Variants in CDH3 observed in about 807,000 individuals in gnomAD.
The protein encoded by CDH3 is cadherin 3, also known as cadherin-3.
A neutral mutation model predicts 82.0 loss-of-function variants in CDH3; 54 were observed. The ratio of observed to expected loss-of-function variants is 0.66; its 90% CI spans 0.53 to 0.83. CDH3 has a LOEUF of 0.83. Among genes scored for constraint, CDH3 ranks in the 40% least tolerant of loss-of-function variants. CDH3 has a pLI of 0.00. For synonymous variants in CDH3, 446 were observed against 437.9 expected (o/e 1.02, Z -0.23); for missense variants, 1,054 against 1,084.6 (o/e 0.97, Z 0.40).
chr16:68,711,062 G>A (rs1962023611), intron 1 of CDH3, among the ~76,000 whole-genome samples: 2 of 150,976 alleles, frequency 1.3e-5, no homozygotes, highest in South Asian at 4.2e-4. Context: ...TGTAATCCCA[G>A]CACTTTGGGA....
intron 2 of CDH3, among the ~76,000 whole-genome samples, chr16:68,653,880 G>A (rs181034835): frequency 8.7e-4 from 131 of 150,832 alleles, no homozygotes; most frequent in Non-Finnish European, 1.4e-3. Context: ...TAATAGAGAC[G>A]GGCAATTTTT....
chr16:68,702,864 CAA>C, downstream of CDH3, among the ~76,000 whole-genome samples: 1 of 142,888 alleles, frequency 7.0e-6, no homozygotes, highest in East Asian at 2.0e-4. Context: ...GACTCCATCT[CAA>C]AAAAAAAAAG....
At chr16:68,688,730 A>G (rs559648372) in intron 12 of CDH3, among the ~76,000 whole-genome samples, 2 of 152,162 alleles carry the variant, frequency 1.3e-5, no homozygotes, top group South Asian at 4.1e-4. Context: ...GGGTTCAAGC[A>G]ATTATCCCTG....
At chr16:68,653,313 C>T (rs868662713) in intron 2 of CDH3, among the ~76,000 whole-genome samples, 4 of 151,558 alleles carry the variant, frequency 2.6e-5, no homozygotes, top group East Asian at 1.9e-4. Context: ...CTTGGCTCAC[C>T]GCAACCTCCA....
chr16:68,729,004 A>C (rs1015109812), downstream of CDH3, among the ~76,000 whole-genome samples: 2 of 152,196 alleles, frequency 1.3e-5, no homozygotes, highest in African/African-American at 2.4e-5. Flanking sequence ...AGATGCATTC[A>C]ACCAAAAACA....
downstream of CDH3, among the ~76,000 whole-genome samples, chr16:68,703,969 T>A (rs1393620160): frequency 6.7e-6 from 1 of 149,166 alleles, no homozygotes; most frequent in Non-Finnish European, 1.5e-5. Context: ...TCATAATTAA[T>A]AAATAATAAA....
intron 2 of CDH3, among the ~76,000 whole-genome samples, chr16:68,650,382 G>A (rs1410954731): frequency 1.3e-5 from 2 of 152,078 alleles, no homozygotes; most frequent in South Asian, 2.1e-4. Flanking sequence ...TCGGCTCACC[G>A]CAACCTCCAC....
chr16:68,669,557 T>C (rs1209680726), intron 2 of CDH3, among the ~76,000 whole-genome samples: 3 of 151,250 alleles, frequency 2.0e-5, no homozygotes, highest in Admixed American at 6.6e-5. Flanking sequence ...TTGTACACTC[T>C]AGTGGGAAGC....
At chr16:68,713,598 G>A (rs940539955) in intron 1 of CDH3, among the ~76,000 whole-genome samples, 1 of 152,110 alleles carries the variant, frequency 6.6e-6, no homozygotes, top group African/African-American at 2.4e-5. Flanking sequence ...CTATGCCAGA[G>A]TGACCTTTCC....
At chr16:68,681,232 A>AGTTTT in intron 8 of CDH3, 136 bp downstream of exon 8, 1 of 882,048 alleles carries the variant, frequency 1.1e-6, no homozygotes. Flanking sequence ...TAGGAAAACT[A>AGTTTT]CCTAACCTCT....
chr16:68,650,528 C>T (rs946427644), intron 2 of CDH3, among the ~76,000 whole-genome samples: 9 of 152,130 alleles, frequency 5.9e-5, no homozygotes, highest in Non-Finnish European at 1.0e-4. Flanking sequence ...GTCGAACTCC[C>T]GATCTCAGGT....
At chr16:68,709,354 G>C (rs1245588827) in intron 1 of CDH3, among the ~76,000 whole-genome samples, 1 of 152,062 alleles carries the variant, frequency 6.6e-6, no homozygotes, top group African/African-American at 2.4e-5. Flanking sequence ...TTACAGGCAC[G>C]AGCCCCTGCA....
rs1439989588 is a variant in CDH3, at chr16:68,712,039, T to TTTC, written c.100-10384_100-10383insCTT. 2.9e-3 allele frequency among the ~76,000 whole-genome samples: 164 copies of TTTC among 55,702 alleles called. 3 individuals carry two copies. Among genetic ancestry groups the TTTC allele is most frequent in the African/African-American group, 0.014 (139 of 10,002 alleles). 36.5% of individuals were successfully genotyped at this position (55,702 alleles called of 152,430 possible). ...TGTTTCTTGGGTTTTTTTGTTTTCTTTTTTTTTTTTTTTTTTGAGACAGAC... is the reference window on the plus strand; with the variant it reads ...TGTTTCTTGGGTTTTTTTGTTTTCTTTTCTTTTTTTTTTTTTTTTGAGACAGAC... On this transcript the variant is annotated intron_variant, in intron 1 of 2. Coordinates refer to the CDH3 transcript ENST00000569080.
At chr16:68,716,615 C>T (rs9929548) in intron 1 of CDH3, among the ~76,000 whole-genome samples, 31,098 of 88,814 alleles carry the variant, frequency 0.35, 4,013 homozygotes, top group Admixed American at 0.45. Flanking sequence ...AATGAGACTC[C>T]GGCTCAAAAA....
In CDH3 at chr16:68,663,890, T is replaced by C. The variant is rs377521458; in HGVS notation, c.161-12495T>C. On this transcript the variant is annotated intron_variant, in intron 2 of 15. Coordinates refer to ENST00000264012, the MANE Select transcript of CDH3 (RefSeq NM_001793.6). ...TGCAGGTTAGTTACATATGTATACA[T>C]GTGCCATGCTGGTGTGCTGCACCCA... 1.6e-4 allele frequency among the ~76,000 whole-genome samples: 25 copies of C among 152,210 alleles called. No individual in the cohort carries two copies. The East Asian group carries it at 2.5e-3, about 15-fold the overall frequency.
At chr16:68,658,825 C>T (rs1370503362) in intron 2 of CDH3, among the ~76,000 whole-genome samples, 1 of 152,206 alleles carries the variant, frequency 6.6e-6, no homozygotes, top group Non-Finnish European at 1.5e-5. Flanking sequence ...TTTATCCCTG[C>T]TTTTGGCCTC....
At chr16:68,705,038 G>C (rs1961943379), downstream of CDH3, among the ~76,000 whole-genome samples, 1 of 152,104 alleles carries the variant, frequency 6.6e-6, no homozygotes, top group Non-Finnish European at 1.5e-5. Flanking sequence ...CTCCAGCCTG[G>C]GTGACAGAAC....
intron 11 of CDH3, chr16:68,686,479 C>T: frequency 2.4e-6 from 3 of 1,228,768 alleles, no homozygotes; most frequent in Non-Finnish European, 3.6e-6. Flanking sequence ...ATTATGGGTC[C>T]AGAAAAATCT....
chr16:68,689,789 A>G (rs546371168), intron 12 of CDH3, among the ~76,000 whole-genome samples: 1 of 151,678 alleles, frequency 6.6e-6, no homozygotes, highest in Non-Finnish European at 1.5e-5. Flanking sequence ...GCGAGAGTGC[A>G]GAGCATTTTA....
Sources: allele counts gnomAD v4.1 joint callset (sites outside exome capture counted in the v4.1 genomes callset), GRCh38; gene constraint gnomAD v4.1.1; transcripts MANE v1.5; gene names NCBI Gene and HGNC (gene_info 2026-07-23, HGNC 2026-07-21).